Variants in TBCK observed in about 807,000 individuals in gnomAD.
TBCK encodes the protein TBC1 domain containing kinase.
A neutral mutation model predicts 113.4 loss-of-function variants in TBCK; 99 were observed. That is an observed-to-expected ratio of 0.87 (90% CI 0.74 to 1.03). The LOEUF (loss-of-function observed/expected upper bound fraction) is 1.03. Among genes scored for constraint, TBCK ranks in the 50% least tolerant of loss-of-function variants. The pLI, the probability that TBCK is intolerant of heterozygous loss-of-function variation, is 0.00. For missense variants in TBCK, 1,045 were observed against 1,061.3 expected (o/e 0.98, Z 0.21); for synonymous variants, 369 against 370.8 (o/e 1.00, Z 0.05).
At chr4:106,099,810 C>T (rs1404436168) in intron 24 of TBCK, among the ~76,000 whole-genome samples, 2 of 152,090 alleles carry the variant, frequency 1.3e-5, no homozygotes, top group East Asian at 3.8e-4. Context: ...CAACTTTTGT[C>T]TTTTCTCTTG....
At chr4:106,101,529 A>T (rs902454514) in intron 24 of TBCK, among the ~76,000 whole-genome samples, 8 of 152,244 alleles carry the variant, frequency 5.3e-5, no homozygotes, top group Non-Finnish European at 2.9e-5. Flanking sequence ...AAGAGACAAG[A>T]GTAATACTAG....
chr4:106,284,396 T>C (rs1764915706), intron 3 of TBCK, among the ~76,000 whole-genome samples: 2 of 152,154 alleles, frequency 1.3e-5, no homozygotes, highest in South Asian at 4.1e-4. Flanking sequence ...CAGGGGAAAA[T>C]AAAACTCACT....
chr4:106,246,091 G>A (rs866358368), intron 10 of TBCK, among the ~76,000 whole-genome samples: 3 of 152,154 alleles, frequency 2.0e-5, no homozygotes, highest in East Asian at 1.9e-4. Flanking sequence ...TCAAGGCAAC[G>A]GCTGGCTGCC....
At chr4:106,161,134 C>A (rs1236543697) in intron 23 of TBCK, among the ~76,000 whole-genome samples, 1 of 151,824 alleles carries the variant, frequency 6.6e-6, no homozygotes, top group African/African-American at 2.4e-5. Flanking sequence ...GATGGTTGCA[C>A]AACATTATGA....
Position 106,055,133 on chromosome 4 carries a change from G to C in TBCK, c.2572-8453C>G, listed in dbSNP as rs529549721. Among the ~76,000 whole-genome samples the C allele has an allele frequency of 1.3e-3, 192 of 151,670 alleles. 2 individuals carry two copies. The highest frequency in any genetic ancestry group is 1.5e-3 in the Non-Finnish European group (100 of 67,704). ...TAGAAGAGTTTAGAGAGGATGCAGT[G>C]AAAGTTTTACTTTCTACTCTTAGGC... On this transcript the variant is annotated intron_variant, in intron 25 of 25. Coordinates refer to ENST00000394708, the MANE Select transcript of TBCK (RefSeq NM_001163435.3).
intron 23 of TBCK, among the ~76,000 whole-genome samples, chr4:106,124,925 G>A (rs1200148879): frequency 2.7e-4 from 41 of 149,942 alleles, no homozygotes; most frequent in African/African-American, 6.9e-4. Context: ...TGGGTGCAGC[G>A]CACCAGCATG....
At chr4:106,176,710 C>G (rs1751706952) in intron 22 of TBCK, among the ~76,000 whole-genome samples, 1 of 151,956 alleles carries the variant, frequency 6.6e-6, no homozygotes, top group African/African-American at 2.4e-5. Context: ...AGTGGGAATG[C>G]TGGATCTTAT....
chr4:106,128,422 C>A (rs1038799175), intron 23 of TBCK, among the ~76,000 whole-genome samples: 1 of 152,012 alleles, frequency 6.6e-6, no homozygotes, highest in Non-Finnish European at 1.5e-5. Context: ...CAGAATAATC[C>A]GAGGAAAATC....
At chr4:106,051,746 A>G (rs980052082) in intron 25 of TBCK, among the ~76,000 whole-genome samples, 2 of 151,876 alleles carry the variant, frequency 1.3e-5, no homozygotes, top group African/African-American at 4.8e-5. Context: ...AAAACAGAAT[A>G]TGGGGTGATT....
At position 106,138,082 on chromosome 4, in the gene TBCK, A is replaced by G. The variant is rs1162326851; in HGVS notation, c.2236-21704T>C. On this transcript the variant is annotated intron_variant, in intron 23 of 25. Coordinates refer to ENST00000394708, the MANE Select transcript of TBCK (RefSeq NM_001163435.3). ...GTATTTACACAAACAAAGATGGCATATATACTTATTTCATGTATTTTTTAA... is the reference window on the plus strand; with the variant it reads ...GTATTTACACAAACAAAGATGGCATGTATACTTATTTCATGTATTTTTTAA... Among the ~76,000 whole-genome samples, 2 of 141,456 alleles carry G rather than the reference A, an allele frequency of 1.4e-5. 1 individual carries two copies. Among genetic ancestry groups the G allele is most frequent in the Non-Finnish European group, 3.2e-5 (2 of 62,226 alleles). 92.8% of individuals were successfully genotyped at this position (141,456 alleles called of 152,430 possible).
At chr4:106,201,837 A>T (rs1382994026) in intron 20 of TBCK, among the ~76,000 whole-genome samples, 1 of 152,038 alleles carries the variant, frequency 6.6e-6, no homozygotes, top group Non-Finnish European at 1.5e-5. Context: ...CTTAAGTCAG[A>T]AGTATTTTCA....
intron 24 of TBCK, 98 bp downstream of exon 24, chr4:106,116,105 T>A: frequency 1.7e-6 from 2 of 1,176,528 alleles, no homozygotes; most frequent in Non-Finnish European, 1.2e-6. Flanking sequence ...TTCAGAAGAA[T>A]CCCAGAATTT....
intron 20 of TBCK, among the ~76,000 whole-genome samples, chr4:106,198,536 T>C (rs1293194243): frequency 6.6e-6 from 1 of 152,070 alleles, no homozygotes; most frequent in African/African-American, 2.4e-5. Context: ...CTCTACAAGA[T>C]TTTTCCAAGC....
At chr4:106,185,841 A>G (rs1752960945) in intron 22 of TBCK, among the ~76,000 whole-genome samples, 1 of 152,104 alleles carries the variant, frequency 6.6e-6, no homozygotes, top group Admixed American at 6.6e-5. Context: ...GGTAATTAGC[A>G]TAGAACCCAA....
At chr4:106,120,238 G>A (rs577197476) in intron 23 of TBCK, among the ~76,000 whole-genome samples, 9 of 152,166 alleles carry the variant, frequency 5.9e-5, no homozygotes, top group African/African-American at 9.7e-5. Context: ...ACTCCCACCC[G>A]AATATTGCGC....
rs571254113 is a variant in TBCK, at chr4:106,301,606, T to C, written c.194-6440A>G. Among the ~76,000 whole-genome samples, 11 of 152,312 alleles carry C rather than the reference T, an allele frequency of 7.2e-5. No individual in the cohort carries two copies. The South Asian group carries it at 2.1e-3, about 29-fold the overall frequency. On this transcript the variant is annotated intron_variant, in intron 2 of 25. Coordinates refer to ENST00000394708, the MANE Select transcript of TBCK (RefSeq NM_001163435.3). Reference sequence around the variant, plus strand: ...AGTTAGCAAGAAAATATTATCATCTTTGATTAGTTTCGAATGATCTATAGA... The same window carrying C: ...AGTTAGCAAGAAAATATTATCATCTCTGATTAGTTTCGAATGATCTATAGA...
intron 3 of TBCK, among the ~76,000 whole-genome samples, chr4:106,280,802 T>C (rs1363698981): frequency 6.6e-6 from 1 of 152,148 alleles, no homozygotes; most frequent in African/African-American, 2.4e-5. Flanking sequence ...TCTATTTTTA[T>C]GCAAATACCA....
Position 106,124,929 on chromosome 4 carries a change from C to A in TBCK, c.2236-8551G>T, listed in dbSNP as rs1279264636. On this transcript the variant is annotated intron_variant, in intron 23 of 25. Transcript: ENST00000394708. ...TGACGAGTTAGTGGGTGCAGCGCAC[C>A]AGCATGGCACATGTATACATATGTA... Among the ~76,000 whole-genome samples the A allele has an allele frequency of 2.0e-5, 3 of 150,028 alleles. No individual in the cohort carries two copies. In the East Asian group the frequency reaches 5.8e-4, roughly 29 times the overall value.
At chr4:106,202,222 A>G (rs963530103) in intron 20 of TBCK, among the ~76,000 whole-genome samples, 2 of 152,034 alleles carry the variant, frequency 1.3e-5, no homozygotes, top group African/African-American at 4.8e-5. Flanking sequence ...CAGAAAATAA[A>G]AAGAATAGAC....
Sources: allele counts gnomAD v4.1 joint callset (sites outside exome capture counted in the v4.1 genomes callset), GRCh38; gene constraint gnomAD v4.1.1; transcripts MANE v1.5; gene names NCBI Gene and HGNC (gene_info 2026-07-23, HGNC 2026-07-21).